The following DNAAF9 variants were observed in gnomAD, a reference collection of about 807,000 sequenced individuals.
DNAAF9 encodes the protein dynein axonemal assembly factor 9.
DNAAF9 carries 90 observed loss-of-function variants against 167.0 expected under a neutral mutation model. The ratio of observed to expected loss-of-function variants is 0.54; its 90% CI spans 0.45 to 0.64. The LOEUF is 0.64. Among genes scored for constraint, DNAAF9 ranks in the 30% least tolerant of loss-of-function variants. DNAAF9 has a pLI of 0.00. For missense variants in DNAAF9, 1,315 were observed against 1,442.2 expected (o/e 0.91, Z 1.43); for synonymous variants, 491 against 508.8 (o/e 0.96, Z 0.47).
At chr20:3,258,114 C>CCTGT (rs2068314563) in intron 33 of DNAAF9, among the ~76,000 whole-genome samples, 2 of 102,978 alleles carry the variant, frequency 1.9e-5, no homozygotes, top group Non-Finnish European at 4.4e-5. Flanking sequence ...GATCCTCTTG[C>CCTGT]CTCGGCCTCC....
intron 30 of DNAAF9, 61 bp from the exon 31 acceptor site, chr20:3,264,585 T>C (rs907877856): frequency 1.9e-5 from 17 of 879,412 alleles, no homozygotes; most frequent in Non-Finnish European, 3.0e-5. Context: ...TTTTTTTTTT[T>C]CTTGAGACGG....
chr20:3,360,872 C>T (rs1875457901), intron 6 of DNAAF9, among the ~76,000 whole-genome samples: 1 of 152,172 alleles, frequency 6.6e-6, no homozygotes, highest in African/African-American at 2.4e-5. Context: ...CTTCATGTGG[C>T]CTTTCTCCGA....
chr20:3,349,103 C>T (rs7274193), intron 7 of DNAAF9, among the ~76,000 whole-genome samples: 29,662 of 149,066 alleles, frequency 0.2, 3,116 homozygotes, highest in African/African-American at 0.25. Flanking sequence ...TCTGTAACTC[C>T]GGAACTTTGG....
At chr20:3,335,757 C>CAAAAAAA (rs151182468) in intron 10 of DNAAF9, among the ~76,000 whole-genome samples, 1 of 98,206 alleles carries the variant, frequency 1.0e-5, no homozygotes, top group African/African-American at 4.0e-5. Context: ...AACTCCGTCT[C>CAAAAAAA]AAAAAAAAAA....
intron 1 of DNAAF9, among the ~76,000 whole-genome samples, chr20:3,403,845 G>T (rs979747639): frequency 6.6e-6 from 1 of 151,908 alleles, no homozygotes; most frequent in Non-Finnish European, 1.5e-5. Flanking sequence ...TAGAGACAGG[G>T]GTCTTGCTAT....
At chr20:3,269,613 C>T (rs143622187) in intron 30 of DNAAF9, among the ~76,000 whole-genome samples, 5 of 152,196 alleles carry the variant, frequency 3.3e-5, no homozygotes, top group Non-Finnish European at 5.9e-5. Flanking sequence ...AACAAAATGC[C>T]TCAAAATGGT....
intron 1 of DNAAF9, among the ~76,000 whole-genome samples, chr20:3,404,682 G>A (rs866302196): frequency 4.3e-4 from 66 of 152,112 alleles, no homozygotes; most frequent in African/African-American, 1.5e-3. Context: ...GTATTTATCT[G>A]ACTCTACAGC....
intron 29 of DNAAF9, among the ~76,000 whole-genome samples, chr20:3,274,544 C>T (rs1032530348): frequency 1.3e-5 from 2 of 152,152 alleles, no homozygotes; most frequent in Non-Finnish European, 2.9e-5. Flanking sequence ...ATTTTGAGTT[C>T]CGCTAATTAC....
intron 10 of DNAAF9, among the ~76,000 whole-genome samples, chr20:3,335,210 TC>T (rs535642328): frequency 3.9e-4 from 60 of 152,324 alleles, no homozygotes; most frequent in African/African-American, 1.4e-3. Context: ...GTTCCAAGAT[TC>T]CTTCTTTTAT....
chr20:3,369,250 T>G lies in DNAAF9; in HGVS notation c.612+4798A>C, dbSNP rs541420181. On this transcript the variant is annotated intron_variant, in intron 6 of 36. Coordinates refer to ENST00000252032, the MANE Select transcript of DNAAF9 (RefSeq NM_001009984.3). Reference sequence around the variant, plus strand: ...GATTTAATTTAAAACCTTTTATTTCTCTTTATGATTGGGAATGTTTATGTT... The same window carrying G: ...GATTTAATTTAAAACCTTTTATTTCGCTTTATGATTGGGAATGTTTATGTT... Among the ~76,000 whole-genome samples the G allele has an allele frequency of 3.9e-5, 6 of 152,344 alleles. No homozygotes were observed. In the East Asian group the frequency reaches 1.2e-3, roughly 29 times the overall value.
intron 1 of DNAAF9, among the ~76,000 whole-genome samples, chr20:3,405,049 A>T (rs2084037460): frequency 6.6e-6 from 1 of 152,228 alleles, no homozygotes; most frequent in Non-Finnish European, 1.5e-5. Flanking sequence ...AATTTGTACC[A>T]TGAAAGGCTA....
chr20:3,379,762 G>A (rs891812332), intron 3 of DNAAF9, among the ~76,000 whole-genome samples: 5 of 152,008 alleles, frequency 3.3e-5, no homozygotes, highest in Admixed American at 2.6e-4. Flanking sequence ...ACTGTGCCAG[G>A]TAAAAAGATA....
At chr20:3,353,959 A>G (rs2083251235) in intron 7 of DNAAF9, among the ~76,000 whole-genome samples, 1 of 152,228 alleles carries the variant, frequency 6.6e-6, no homozygotes. Context: ...TGCTGCTTTT[A>G]GCTCCATGCA....
chr20:3,258,682 G>A (rs1329364119), intron 33 of DNAAF9, among the ~76,000 whole-genome samples: 1 of 152,092 alleles, frequency 6.6e-6, no homozygotes, highest in East Asian at 1.9e-4. Context: ...ACACCAAGAA[G>A]GGGAGGACAC....
intron 1 of DNAAF9, among the ~76,000 whole-genome samples, chr20:3,383,396 A>ATAC (rs1371317608): frequency 1.3e-5 from 2 of 150,820 alleles, no homozygotes; most frequent in Non-Finnish European, 3.0e-5. Context: ...AGCCTCCCGA[A>ATAC]TAGCTGGGAT....
chr20:3,406,310 T>C (rs2084054146), intron 1 of DNAAF9, among the ~76,000 whole-genome samples: 2 of 152,058 alleles, frequency 1.3e-5, no homozygotes, highest in African/African-American at 4.8e-5. Flanking sequence ...AACAAGAATA[T>C]AAGAAAACTG....
chr20:3,323,568 A>C (rs2069657872), intron 14 of DNAAF9, among the ~76,000 whole-genome samples: 1 of 152,074 alleles, frequency 6.6e-6, no homozygotes, highest in African/African-American at 2.4e-5. Context: ...GGCGTGAGCC[A>C]CTGCGCCCCG....
intron 2 of DNAAF9, 93 bp downstream of exon 2, chr20:3,382,334 T>A: frequency 1.1e-6 from 1 of 936,168 alleles, no homozygotes; most frequent in Non-Finnish European, 1.7e-6. Context: ...ACTCACAGCT[T>A]ATTTCACATT....
chr20:3,322,654 T>C lies in DNAAF9; in HGVS notation c.1308A>G (p.Gly436=), dbSNP rs777635175. 1 of 1,611,376 alleles carries C rather than the reference T, an allele frequency of 6.2e-7. No homozygotes were observed. The highest frequency in any genetic ancestry group is 1.3e-5 in the African/African-American group (1 of 74,974). The stretch of plus-strand genomic sequence containing the variant: ...ATGCACCACAATCATATACGCACCT[T>C]CCCTGATTATTCACAGCATGTATAT... ...TFHIHAVNNQ[G]RIVPLDSEDS... The change falls in exon 15 of 37, where the codon GGA becomes GGG. Residue 436 remains glycine (G), a splice_region_variant and synonymous_variant. Coordinates refer to ENST00000252032, the MANE Select transcript of DNAAF9 (RefSeq NM_001009984.3).
Sources: gnomAD v4.1 joint callset for allele counts (sites outside exome capture counted in the v4.1 genomes callset) on GRCh38, gnomAD v4.1.1 for gene constraint, MANE v1.5 for transcripts, NCBI Gene and HGNC (gene_info 2026-07-23, HGNC 2026-07-21) for gene names.